KCNQ5: variants seen among roughly 807,000 people sequenced by gnomAD.
KCNQ5 encodes potassium voltage-gated channel subfamily KQT member 5.
KCNQ5 carries 30 observed loss-of-function variants against 98.2 expected under a neutral mutation model. The ratio of observed to expected loss-of-function variants is 0.31; its 90% CI spans 0.23 to 0.41. KCNQ5 has a LOEUF of 0.41. KCNQ5 is among the 10% of genes least tolerant of loss of function. The probability of loss-of-function intolerance (pLI) is 1.00; values close to 1 mark genes in which losing one functional copy is unlikely to be tolerated. For synonymous variants in KCNQ5, 458 were observed against 449.4 expected (o/e 1.02, Z -0.24); for missense variants, 835 against 1,182.5 (o/e 0.71, Z 4.31).
At chr6:72,804,879 C>G (rs777303182) in intron 1 of KCNQ5, among the ~76,000 whole-genome samples, 9 of 152,092 alleles carry the variant, frequency 5.9e-5, no homozygotes, top group Admixed American at 2.0e-4. Context: ...GAGTTAATAT[C>G]TCATTATAGT....
intron 1 of KCNQ5, among the ~76,000 whole-genome samples, chr6:72,802,165 T>C (rs905635898): frequency 9.2e-5 from 14 of 152,084 alleles, no homozygotes; most frequent in Admixed American, 2.0e-4. Context: ...TGAATCTGAA[T>C]GTTGGCCTGC....
At chr6:72,714,785 A>G (rs2154475138) in intron 1 of KCNQ5, among the ~76,000 whole-genome samples, 1 of 152,288 alleles carries the variant, frequency 6.6e-6, no homozygotes, top group African/African-American at 2.4e-5. Context: ...CAAAAATAGC[A>G]AAAACTTGAT....
At chr6:72,642,854 A>C (rs1371575954) in intron 1 of KCNQ5, among the ~76,000 whole-genome samples, 1 of 152,200 alleles carries the variant, frequency 6.6e-6, no homozygotes, top group Non-Finnish European at 1.5e-5. Context: ...ACATGGAGTC[A>C]AACTAAATGC....
At chr6:73,021,036 G>C (rs1192098262) in intron 2 of KCNQ5, among the ~76,000 whole-genome samples, 1 of 152,056 alleles carries the variant, frequency 6.6e-6, no homozygotes, top group Non-Finnish European at 1.5e-5. Flanking sequence ...GAAAAACCCA[G>C]TTCTACCACT....
intron 5 of KCNQ5, among the ~76,000 whole-genome samples, chr6:73,082,652 G>A (rs550529536): frequency 1.3e-5 from 2 of 152,224 alleles, no homozygotes; most frequent in South Asian, 2.1e-4. Context: ...CAAAGCTCAC[G>A]AAACACTATT....
intron 1 of KCNQ5, among the ~76,000 whole-genome samples, chr6:72,961,621 CAAAAAAAAAAAAA>C (rs56813781): frequency 1.5e-5 from 1 of 68,680 alleles, no homozygotes; most frequent in South Asian, 5.3e-4. Context: ...GACTCCGTCT[CAAAAAAAAAAAAA>C]AAAAAAAAAA....
intron 11 of KCNQ5, among the ~76,000 whole-genome samples, chr6:73,170,420 C>CACA (rs1777962286): frequency 9.2e-5 from 13 of 140,934 alleles, no homozygotes; most frequent in African/African-American, 3.5e-4. Context: ...ACCTTTCCCA[C>CACA]CACACACACA....
intron 3 of KCNQ5, among the ~76,000 whole-genome samples, chr6:73,058,684 G>A (rs528985748): frequency 1.3e-5 from 2 of 152,006 alleles, no homozygotes; most frequent in East Asian, 1.9e-4. Context: ...TCTATTATCC[G>A]GAATCTGTAA....
intron 8 of KCNQ5, among the ~76,000 whole-genome samples, chr6:73,124,254 G>A (rs902966293): frequency 6.6e-6 from 1 of 152,170 alleles, no homozygotes; most frequent in African/African-American, 2.4e-5. Flanking sequence ...TTCTATGTGG[G>A]CAGTCTTGGC....
At chr6:73,050,288 AAGGAAGGAAGGAAGGAAGGAAGGG>A (rs1772167371) in intron 3 of KCNQ5, among the ~76,000 whole-genome samples, 1 of 128,770 alleles carries the variant, frequency 7.8e-6, no homozygotes, top group Non-Finnish European at 1.7e-5. Flanking sequence ...GGAAGGAAGG[AAGGAAGGAAGGAAGGAAGGAAGGG>A]AGGGAAGAAG....
intron 6 of KCNQ5, among the ~76,000 whole-genome samples, chr6:73,105,740 T>C (rs1350203930): frequency 6.6e-6 from 1 of 152,206 alleles, no homozygotes; most frequent in Admixed American, 6.5e-5. Context: ...AAGAGACAGA[T>C]GTGCACAATG....
chr6:72,663,965 C>G (rs1194405334), intron 1 of KCNQ5, among the ~76,000 whole-genome samples: 2 of 152,194 alleles, frequency 1.3e-5, no homozygotes, highest in African/African-American at 2.4e-5. Flanking sequence ...TTCTCTGGAC[C>G]ATCACCCTAC....
At chr6:72,963,193 G>A (rs1477745468) in intron 1 of KCNQ5, among the ~76,000 whole-genome samples, 6 of 152,150 alleles carry the variant, frequency 3.9e-5, no homozygotes, top group African/African-American at 1.4e-4. Flanking sequence ...TTAAACTTCA[G>A]GTCTAAAGTA....
chr6:72,857,392 C>T (rs751966819), intron 1 of KCNQ5, among the ~76,000 whole-genome samples: 57 of 152,120 alleles, frequency 3.7e-4, no homozygotes, highest in Non-Finnish European at 7.4e-5. Context: ...ATTAAGATCA[C>T]TTTGCACAGT....
Position 73,133,031 on chromosome 6 carries a change from G to T in KCNQ5, c.1248-390G>T, listed in dbSNP as rs146164528. On this transcript the variant is annotated intron_variant, in intron 9 of 13. Coordinates refer to ENST00000370398, the MANE Select transcript of KCNQ5 (RefSeq NM_019842.4). ...TAGAAATGTCTAGAAATTACAAAGA[G>T]ATATGCTCCCAAACAAAAAATAATT... Among the ~76,000 whole-genome samples, 66 of 152,176 alleles carry T rather than the reference G, an allele frequency of 4.3e-4. 1 individual carries two copies. Among genetic ancestry groups the T allele is most frequent in the Admixed American group, 3.9e-3 (60 of 15,276 alleles).
chr6:72,909,384 C>T (rs1474206322), intron 1 of KCNQ5, among the ~76,000 whole-genome samples: 2 of 152,102 alleles, frequency 1.3e-5, no homozygotes, highest in African/African-American at 2.4e-5. Flanking sequence ...CAGAGGATAA[C>T]GTGTGAAGAG....
At chr6:73,182,241 T>G (rs1213596493) in intron 11 of KCNQ5, among the ~76,000 whole-genome samples, 1 of 152,224 alleles carries the variant, frequency 6.6e-6, no homozygotes, top group Non-Finnish European at 1.5e-5. Flanking sequence ...ACTCATTCAT[T>G]TATTTATTGT....
chr6:73,014,144 A>G (rs1191864747), intron 2 of KCNQ5, among the ~76,000 whole-genome samples: 2 of 152,052 alleles, frequency 1.3e-5, no homozygotes, highest in East Asian at 3.9e-4. Context: ...CAAAGGTTGT[A>G]GGTTTTAGCA....
At chr6:72,898,066 G>A (rs1779320648) in intron 1 of KCNQ5, among the ~76,000 whole-genome samples, 1 of 152,132 alleles carries the variant, frequency 6.6e-6, no homozygotes, top group African/African-American at 2.4e-5. Flanking sequence ...TAATATTCAG[G>A]CAAAATACAT....
Sources: gnomAD v4.1 joint callset for allele counts (sites outside exome capture counted in the v4.1 genomes callset) on GRCh38, gnomAD v4.1.1 for gene constraint, MANE v1.5 for transcripts, NCBI Gene and HGNC (gene_info 2026-07-23, HGNC 2026-07-21) for gene names.